AKNA: variants seen among roughly 807,000 people sequenced by gnomAD.
The protein encoded by AKNA is AT-hook transcription factor.
In AKNA, 67 loss-of-function variants were observed where a neutral mutation model predicts 138.8. The observed-to-expected ratio is 0.48, with a 90% CI of 0.40 to 0.59. The LOEUF is 0.59. Among genes scored for constraint, AKNA ranks in the 20% least tolerant of loss-of-function variants. The pLI is 0.00. For missense variants in AKNA, 1,813 were observed against 1,880.4 expected, an observed-to-expected ratio of 0.96 and a Z score of 0.66; for synonymous variants, 737 against 754.4, an observed-to-expected ratio of 0.98 and a Z score of 0.38.
At chr9:114,381,031 C>T (rs1221273028) in intron 2 of AKNA, 29 bp downstream of exon 2, 3 of 1,485,630 alleles carry the variant, frequency 2.0e-6, no homozygotes, top group African/African-American at 2.9e-5. Context: ...GACAGGACAC[C>T]ACTGTAGGGG....
At chr9:114,383,286 C>G in intron 1 of AKNA, 1 of 446,684 alleles carries the variant, frequency 2.2e-6, no homozygotes, top group South Asian at 1.6e-5. Context: ...TTCTTTCCCT[C>G]TTTCCTTCTC....
At chr9:114,390,540 C>T (rs78518085), upstream of AKNA, among the ~76,000 whole-genome samples, 153 of 152,324 alleles carry the variant, frequency 1.0e-3, no homozygotes, top group African/African-American at 3.4e-3. Flanking sequence ...GTCCCTGGAT[C>T]GGCCTTGCCT....
In AKNA at chr9:114,387,887, C is replaced by T. The variant is rs45527532; in HGVS notation, c.-141G>A. 2.0e-3 allele frequency: 889 copies of T among 455,178 alleles called. 1 individual carries two copies. The highest frequency in any genetic ancestry group is 3.3e-3 in the Non-Finnish European group (736 of 226,242). The allele number at this position is 455,178 out of a possible 1,614,324, so 28.2% of individuals were successfully genotyped here. On this transcript the variant is annotated 5_prime_UTR_variant, in exon 1 of 22. Coordinates refer to ENST00000374088, the MANE Select transcript of AKNA (RefSeq NM_001317950.2). ...CTCTCGGGCTCCACCACCGTCCTGC[C>T]GACCCAGTTTCAGGGGACCTGCCTG...
upstream of AKNA, among the ~76,000 whole-genome samples, chr9:114,388,350 C>T (rs1187739713): frequency 1.3e-5 from 2 of 152,234 alleles, no homozygotes; most frequent in Non-Finnish European, 2.9e-5. Context: ...TCTTCAACCA[C>T]GGCCTGACCT....
At chr9:114,393,269 G>T (rs1401584203) in intron 1 of AKNA, among the ~76,000 whole-genome samples, 1 of 151,010 alleles carries the variant, frequency 6.6e-6, no homozygotes. Flanking sequence ...AGGCTGGAGG[G>T]CAGTGGCGCG....
Position 114,367,558 on chromosome 9 carries a change from G to C in AKNA, c.1713C>G (p.Ser571Arg). The C allele has an allele frequency of 6.2e-7, 1 of 1,613,416 alleles. No homozygotes were observed. The highest frequency in any genetic ancestry group is 2.2e-5 in the East Asian group (1 of 44,864). Residue 571 changes from serine (S) to arginine (R), a missense_variant, in exon 6 of 22, where the codon AGC becomes AGG. Transcript: ENST00000374088. ...GTCCACTCACCTTGGCCAGGAACTG[G>C]CTGGCCTGAGAAGCCAGTGCCTGGG... is the stretch of plus-strand genomic sequence containing the variant. ...EQTQALASQASQFLAKVESFE... is the reference protein window; with the variant it reads ...EQTQALASQARQFLAKVESFE...
At chr9:114,394,899 T>A (rs1443186323), upstream of AKNA, among the ~76,000 whole-genome samples, 2 of 152,190 alleles carry the variant, frequency 1.3e-5, no homozygotes, top group African/African-American at 4.8e-5. Flanking sequence ...CAGCTGGACA[T>A]CCCACTCTGG....
At chr9:114,338,793 G>C (rs1830154387) in intron 21 of AKNA, among the ~76,000 whole-genome samples, 1 of 152,204 alleles carries the variant, frequency 6.6e-6, no homozygotes, top group East Asian at 1.9e-4. Flanking sequence ...TAAAAAGCTG[G>C]CACTGCCTGG....
At chr9:114,382,942 C>G (rs1322528104) in intron 1 of AKNA, among the ~76,000 whole-genome samples, 2 of 152,040 alleles carry the variant, frequency 1.3e-5, no homozygotes, top group African/African-American at 4.8e-5. Context: ...TACTAAATGT[C>G]ACTGAACTGT....
Position 114,386,198 on chromosome 9 carries a change from C to A in AKNA, c.-114+1662G>T, listed in dbSNP as rs934859942. ...ACTTTTTAAAAAAGCCCTATGACTT[C>A]CTACTATATACCAGGCGCTACGTAA... On this transcript the variant is annotated intron_variant, in intron 1 of 21. Transcript: ENST00000374088. 2.0e-5 allele frequency among the ~76,000 whole-genome samples: 3 copies of A among 152,204 alleles called. No individual in the cohort carries two copies. The South Asian group carries it at 6.2e-4, about 31-fold the overall frequency.
chr9:114,353,264 T>G (rs1201638299), intron 14 of AKNA, among the ~76,000 whole-genome samples: 2 of 151,592 alleles, frequency 1.3e-5, no homozygotes, highest in East Asian at 3.9e-4. Context: ...ATTTTTTGTT[T>G]TTTTTTTTTA....
At chr9:114,380,932 G>T in intron 2 of AKNA, 128 bp downstream of exon 2, 1 of 1,127,814 alleles carries the variant, frequency 8.9e-7, no homozygotes, top group Admixed American at 3.6e-5. Context: ...GTAGTGAGCC[G>T]AGATCGTGCC....
chr9:114,369,160 T>A (rs1303575285), intron 4 of AKNA, among the ~76,000 whole-genome samples: 1 of 152,142 alleles, frequency 6.6e-6, no homozygotes, highest in African/African-American at 2.4e-5. Context: ...CATTTGAGGA[T>A]GGATTTAACA....
intron 15 of AKNA, among the ~76,000 whole-genome samples, chr9:114,349,402 T>C (rs1830944301): frequency 6.6e-6 from 1 of 152,166 alleles, no homozygotes; most frequent in Non-Finnish European, 1.5e-5. Flanking sequence ...TGAACATCCC[T>C]GAAGTTAATT....
intron 9 of AKNA, among the ~76,000 whole-genome samples, chr9:114,361,251 C>G (rs936007481): frequency 1.3e-5 from 2 of 152,196 alleles, no homozygotes; most frequent in Non-Finnish European, 2.9e-5. Context: ...GGCCTTTGCA[C>G]AAGCTGTTTT....
At chr9:114,387,800 T>C (rs956008984) in intron 1 of AKNA, 60 bp downstream of exon 1, 3 of 397,372 alleles carry the variant, frequency 7.5e-6, no homozygotes, top group African/African-American at 6.1e-5. Context: ...GGAGAGTCTG[T>C]GACTGGCCCG....
At chr9:114,389,501 G>A (rs2636893), upstream of AKNA, among the ~76,000 whole-genome samples, 73,701 of 151,912 alleles carry the variant, frequency 0.49, 18,355 homozygotes, top group East Asian at 0.79. Flanking sequence ...TGACCTTTGA[G>A]GCTTCACGTC....
At chr9:114,366,820 A>G (rs1408481618) in intron 6 of AKNA, among the ~76,000 whole-genome samples, 4 of 152,166 alleles carry the variant, frequency 2.6e-5, no homozygotes, top group Non-Finnish European at 5.9e-5. Context: ...ATGGTAGTGC[A>G]TGTAACTATT....
At chr9:114,383,109 T>C (rs1168183396) in intron 1 of AKNA, 2 of 455,860 alleles carry the variant, frequency 4.4e-6, no homozygotes, top group Non-Finnish European at 8.8e-6. Flanking sequence ...GGCTGGGGTA[T>C]TGAACACAGG....
Sources: allele counts gnomAD v4.1 joint callset (sites outside exome capture counted in the v4.1 genomes callset), GRCh38; gene constraint gnomAD v4.1.1; transcripts MANE v1.5; gene names NCBI Gene and HGNC (gene_info 2026-07-23, HGNC 2026-07-21).